The following KCNQ1 variants were observed in gnomAD, a reference collection of about 807,000 sequenced individuals.
KCNQ1 encodes the protein potassium voltage-gated channel subfamily Q member 1, also known as potassium voltage-gated channel subfamily KQT member 1.
Under a neutral mutation model 72.4 loss-of-function variants are expected in KCNQ1, and 49 were observed. The observed-to-expected ratio is 0.68, with a 90% confidence interval of 0.54 to 0.86. KCNQ1 has a LOEUF of 0.86. KCNQ1 is among the 40% of genes least tolerant of loss of function. The probability of loss-of-function intolerance (pLI) is 0.00; values close to 1 mark genes in which losing one functional copy is unlikely to be tolerated. For missense variants in KCNQ1, 790 were observed against 945.1 expected (o/e 0.84, Z 2.15); for synonymous variants, 450 against 412.6 (o/e 1.09, Z -1.10).
chr11:2,701,302 G>A (rs1850809603), intron 11 of KCNQ1, among the ~76,000 whole-genome samples: 1 of 152,200 alleles, frequency 6.6e-6, no homozygotes. Context: ...CAGGCCTTCA[G>A]CAACGACGCC....
chr11:2,800,739 G>A (rs1449657405), intron 15 of KCNQ1, among the ~76,000 whole-genome samples: 2 of 152,202 alleles, frequency 1.3e-5, no homozygotes, highest in Non-Finnish European at 2.9e-5. Flanking sequence ...ACCCTAAAAT[G>A]GGGACATGCT....
chr11:2,528,898 T>A (rs1847558431), intron 2 of KCNQ1, among the ~76,000 whole-genome samples: 1 of 152,256 alleles, frequency 6.6e-6, no homozygotes, highest in Non-Finnish European at 1.5e-5. Context: ...GGCAGTGGTA[T>A]CCGTCTCATT....
chr11:2,653,040 A>T lies in KCNQ1; in HGVS notation c.1394-8921A>T, dbSNP rs750457036. On this transcript the variant is annotated intron_variant, in intron 10 of 15. Transcript: ENST00000155840. This position sits in a 1 kb window ranked among gnomAD's most constrained non-coding sequence, Gnocchi z 5.3. ...CTGCACACCTTTGATCCAATGTGAG[A>T]TCCAACATGTTCCATAATTTGCATC... 7 of 398,556 alleles carry T rather than the reference A, an allele frequency of 1.8e-5. No homozygotes were observed. Among genetic ancestry groups the T allele is most frequent in the Non-Finnish European group, 3.1e-5 (7 of 226,096 alleles). The allele number at this position is 398,556 out of a possible 1,614,324, so 24.7% of individuals were successfully genotyped here. A position where few individuals can be genotyped will look rare whatever the true frequency, so the allele number is the denominator to read the frequency against.
intron 11 of KCNQ1, among the ~76,000 whole-genome samples, chr11:2,737,772 G>C (rs1353614634): frequency 6.6e-6 from 1 of 152,196 alleles, no homozygotes; most frequent in Non-Finnish European, 1.5e-5. Flanking sequence ...CTGCCAGGGA[G>C]AGTGGGGCTG....
chr11:2,691,577 C>A lies in KCNQ1; in HGVS notation c.1514+29496C>A. ...AGGTTATGAAATACCTCAGCAAGGA[C>A]GAGGCCTCCCTGAGGGAGTCAACCT... On this transcript the variant is annotated intron_variant, in intron 11 of 15. Coordinates refer to ENST00000155840, the MANE Select transcript of KCNQ1 (RefSeq NM_000218.3). This position sits in a 1 kb window ranked among gnomAD's most constrained non-coding sequence, Gnocchi z 6.4. The A allele has an allele frequency of 2.5e-6, 1 of 398,548 alleles. No individual in the cohort carries two copies. Among genetic ancestry groups the A allele is most frequent in the South Asian group, 1.3e-4 (1 of 7,856 alleles). The allele number at this position is 398,548 out of a possible 1,614,324, so 24.7% of individuals were successfully genotyped here. A position where few individuals can be genotyped will look rare whatever the true frequency, so the allele number is the denominator to read the frequency against.
At chr11:2,699,769 G>A (rs979049907) in intron 11 of KCNQ1, 1 of 378,106 alleles carries the variant, frequency 2.6e-6, no homozygotes, top group Non-Finnish European at 4.6e-6. Context: ...CCGCGCTGAG[G>A]AGCCCCGAGG....
chr11:2,731,704 G>T (rs377719884), intron 11 of KCNQ1, among the ~76,000 whole-genome samples: 1 of 152,200 alleles, frequency 6.6e-6, no homozygotes, highest in Non-Finnish European at 1.5e-5. Flanking sequence ...AGAGAAAGGC[G>T]CCTGAAGCAA....
At chr11:2,531,012 G>C (rs958730948) in intron 2 of KCNQ1, among the ~76,000 whole-genome samples, 1 of 152,094 alleles carries the variant, frequency 6.6e-6, no homozygotes, top group Admixed American at 6.5e-5. Flanking sequence ...CGGTGCTAAC[G>C]TGAGCCCACC....
chr11:2,841,697 G>A (rs190229168), intron 15 of KCNQ1, among the ~76,000 whole-genome samples: 91 of 152,344 alleles, frequency 6.0e-4, no homozygotes, highest in Non-Finnish European at 1.2e-3. Context: ...CTAGCTAGCC[G>A]AGGTCCCAGG....
chr11:2,836,154 C>G (rs1323050420), intron 15 of KCNQ1, among the ~76,000 whole-genome samples: 2 of 152,122 alleles, frequency 1.3e-5, no homozygotes, highest in Non-Finnish European at 2.9e-5. Context: ...TGAAAGCAGC[C>G]AAGTGTCACC....
At position 2,526,171 on chromosome 11, in the gene KCNQ1, C is replaced by T. The variant is rs1201008334; in HGVS notation, c.387-1757C>T. 2.6e-5 allele frequency among the ~76,000 whole-genome samples: 4 copies of T among 152,098 alleles called. No homozygotes were observed. Among genetic ancestry groups the T allele is most frequent in the African/African-American group, 4.8e-5 (2 of 41,410 alleles). On this transcript the variant is annotated intron_variant, in intron 1 of 15. Transcript: ENST00000155840. The surrounding 1 kb of genome is among the most constrained non-coding windows in gnomAD (Gnocchi z 6.1). ...GGGAGGAGCTGGGGTGATCTGGGGCCATCGTGGTGTAAATACTGGGGCACG... is the reference window on the plus strand; with the variant it reads ...GGGAGGAGCTGGGGTGATCTGGGGCTATCGTGGTGTAAATACTGGGGCACG...
At chr11:2,757,084 A>G (rs1206342601) in intron 11 of KCNQ1, among the ~76,000 whole-genome samples, 4 of 152,038 alleles carry the variant, frequency 2.6e-5, no homozygotes, top group African/African-American at 7.2e-5. Context: ...CTTCTATTCA[A>G]TATAGTACTG....
intron 15 of KCNQ1, among the ~76,000 whole-genome samples, chr11:2,807,314 T>C (rs1479477790): frequency 6.6e-6 from 1 of 152,150 alleles, no homozygotes; most frequent in Non-Finnish European, 1.5e-5. Flanking sequence ...CCCAGCCCTG[T>C]GCTGTTTGTG....
In KCNQ1 at chr11:2,768,953, C is replaced by T; in HGVS notation, c.1590+34C>T. On this transcript the variant is annotated intron_variant, in intron 12 of 15. Coordinates refer to ENST00000155840, the MANE Select transcript of KCNQ1 (RefSeq NM_000218.3). The surrounding 1 kb of genome is among the most constrained non-coding windows in gnomAD (Gnocchi z 6.7). The stretch of plus-strand genomic sequence containing the variant: ...TGTGCTGAGCCTTCCTGCCCTCAGC[C>T]TGCCCCTCGCAGCCTGATGCAGCTG... 1 of 1,543,510 alleles carries T rather than the reference C, an allele frequency of 6.5e-7. No individual in the cohort carries two copies. The highest frequency in any genetic ancestry group is 9.0e-7 in the Non-Finnish European group (1 of 1,116,170).
chr11:2,826,676 G>A lies in KCNQ1; in HGVS notation c.1795-21091G>A, dbSNP rs1274779909. 6.6e-6 allele frequency among the ~76,000 whole-genome samples: 1 copy of A among 152,260 alleles called. No homozygotes were observed. The highest frequency in any genetic ancestry group is 2.4e-5 in the African/African-American group (1 of 41,472). ...TGTGCTCCCAGAGGGAGAACAGAGA[G>A]GGGTGCAGAGGGCCAGAGAGGCACG... On this transcript the variant is annotated intron_variant, in intron 15 of 15. Coordinates refer to ENST00000155840, the MANE Select transcript of KCNQ1 (RefSeq NM_000218.3). The surrounding 1 kb of genome is among the most constrained non-coding windows in gnomAD (Gnocchi z 4.2).
rs535461207 is a variant in KCNQ1, at chr11:2,620,042, T to G, written c.1393+31188T>G. On this transcript the variant is annotated intron_variant, in intron 10 of 15. Coordinates refer to ENST00000155840, the MANE Select transcript of KCNQ1 (RefSeq NM_000218.3). This position sits in a 1 kb window ranked among gnomAD's most constrained non-coding sequence, Gnocchi z 4.5. ...TTCCTCCCCCAAGTAGTCCCCAGTG[T>G]CTACTGATCATCTTTATGTCCATGT... The G allele has an allele frequency of 9.8e-5, 39 of 398,276 alleles. 2 individuals carry two copies. The South Asian group carries it at 4.2e-3, about 43-fold the overall frequency. The allele number at this position is 398,276 out of a possible 1,614,324, so 24.7% of individuals were successfully genotyped here. A position where few individuals can be genotyped will look rare whatever the true frequency, so the allele number is the denominator to read the frequency against.
In KCNQ1 at chr11:2,715,870, C is replaced by A. The variant is rs1429833935; in HGVS notation, c.1515-52974C>A. ...CCTCCTGAGGTTGAGGGTGGCCACA[C>A]CAGCCAGAGCTTGGGTGATTGAGTG... On this transcript the variant is annotated intron_variant, in intron 11 of 15. Coordinates refer to ENST00000155840, the MANE Select transcript of KCNQ1 (RefSeq NM_000218.3). This position sits in a 1 kb window ranked among gnomAD's most constrained non-coding sequence, Gnocchi z 4.9. 1.3e-5 allele frequency among the ~76,000 whole-genome samples: 2 copies of A among 152,198 alleles called. No individual in the cohort carries two copies. The highest frequency in any genetic ancestry group is 4.8e-5 in the African/African-American group (2 of 41,460).
At chr11:2,665,012 G>A (rs1441590952) in intron 11 of KCNQ1, 1 of 398,556 alleles carries the variant, frequency 2.5e-6, no homozygotes, top group Non-Finnish European at 4.4e-6. Context: ...GGGCCTGTTA[G>A]CCAGAGGTGG....
chr11:2,696,237 A>T (rs1850674113), intron 11 of KCNQ1: 1 of 398,526 alleles, frequency 2.5e-6, no homozygotes, highest in Admixed American at 4.4e-5. Context: ...AACAAATGGC[A>T]ACTACCTTTT....
Sources: gnomAD v4.1 joint callset for allele counts (sites outside exome capture counted in the v4.1 genomes callset) on GRCh38, gnomAD v4.1.1 for gene constraint, Gnocchi (gnomAD v3.1) non-coding constraint, MANE v1.5 for transcripts, NCBI Gene and HGNC (gene_info 2026-07-23, HGNC 2026-07-21) for gene names.